Variants in CDC42BPA observed in about 807,000 individuals in gnomAD.
CDC42BPA encodes serine/threonine-protein kinase MRCK alpha.
In CDC42BPA, 80 loss-of-function variants were observed where a neutral mutation model predicts 223.5. The observed-to-expected ratio is 0.36, with a 90% confidence interval of 0.30 to 0.43. CDC42BPA has a LOEUF of 0.43. Ranked by LOEUF, CDC42BPA falls within the 20% of genes least tolerant of loss-of-function variation. CDC42BPA has a pLI of 1.00. For missense variants in CDC42BPA, 1,743 were observed against 2,099.9 expected (o/e 0.83, Z 3.32); for synonymous variants, 694 against 718.6 (o/e 0.97, Z 0.55).
intron 2 of CDC42BPA, among the ~76,000 whole-genome samples, chr1:227,219,043 G>A (rs1196700948): frequency 6.6e-6 from 1 of 152,150 alleles, no homozygotes; most frequent in Non-Finnish European, 1.5e-5. Context: ...ACACCAGTTT[G>A]CCCCTACAGA....
At chr1:227,058,406 A>G (rs1305417440) in intron 21 of CDC42BPA, among the ~76,000 whole-genome samples, 1 of 152,204 alleles carries the variant, frequency 6.6e-6, no homozygotes, top group Non-Finnish European at 1.5e-5. Flanking sequence ...TCCCTCATCT[A>G]GAACTTTCCG....
intron 2 of CDC42BPA, among the ~76,000 whole-genome samples, chr1:227,234,033 T>G (rs1188009709): frequency 6.6e-6 from 1 of 152,192 alleles, no homozygotes; most frequent in Non-Finnish European, 1.5e-5. Context: ...CAAGATAACA[T>G]GTCCTTAAAA....
At chr1:227,164,987 A>G (rs1257679965) in intron 5 of CDC42BPA, among the ~76,000 whole-genome samples, 1 of 152,236 alleles carries the variant, frequency 6.6e-6, no homozygotes, top group African/African-American at 2.4e-5. Flanking sequence ...GAGGGTTGGG[A>G]TAAGAATGTA....
chr1:227,160,570 A>G lies in CDC42BPA; in HGVS notation c.666T>C (p.Ser222=). ...NGHIRLADFG[S]CLKLMEDGTV... ...TTCCATCTTCCATCAGCTTCAGACA[A>G]GAACCAAAATCTGCTAACCGAATAT... The change falls in exon 6 of 37, where the codon TCT becomes TCC. Residue 222 remains serine (S), a synonymous_variant. Coordinates refer to ENST00000366766, the MANE Select transcript of CDC42BPA (RefSeq NM_001394014.1). 6.2e-7 allele frequency: 1 copy of G among 1,607,580 alleles called. No individual in the cohort carries two copies. Among genetic ancestry groups the G allele is most frequent in the Middle Eastern group, 1.7e-4 (1 of 6,056 alleles).
intron 2 of CDC42BPA, among the ~76,000 whole-genome samples, chr1:227,249,697 G>C (rs1370642516): frequency 6.6e-6 from 1 of 152,120 alleles, no homozygotes; most frequent in African/African-American, 2.4e-5. Flanking sequence ...TATGAAAAAA[G>C]TGGTCAACAT....
At chr1:227,007,906 T>A (rs910855719) in intron 34 of CDC42BPA, among the ~76,000 whole-genome samples, 3 of 152,212 alleles carry the variant, frequency 2.0e-5, no homozygotes, top group African/African-American at 7.2e-5. Flanking sequence ...AACGTCCTCA[T>A]ACTTGCCCTT....
intron 5 of CDC42BPA, among the ~76,000 whole-genome samples, chr1:227,192,747 T>A (rs1669924243): frequency 6.6e-6 from 1 of 152,184 alleles, no homozygotes; most frequent in Non-Finnish European, 1.5e-5. Flanking sequence ...TTAAAATTTT[T>A]AAATATAAAG....
At chr1:227,060,716 A>AGTTTTTTTT (rs1373925166) in intron 21 of CDC42BPA, among the ~76,000 whole-genome samples, 26 of 126,546 alleles carry the variant, frequency 2.1e-4, no homozygotes, top group African/African-American at 5.7e-4. Context: ...GTAAATAGGT[A>AGTTTTTTTT]CTTTTTTTTT....
At chr1:227,019,251 T>C (rs1209601432) in intron 32 of CDC42BPA, among the ~76,000 whole-genome samples, 1 of 151,986 alleles carries the variant, frequency 6.6e-6, no homozygotes, top group African/African-American at 2.4e-5. Flanking sequence ...AAGAAACCAT[T>C]TTTTTTTGCT....
At position 227,028,772 on chromosome 1, in the gene CDC42BPA, C is replaced by G. The variant is rs1481173254; in HGVS notation, c.4317G>C (p.Glu1439Asp). Residue 1439 changes from glutamate (E) to aspartate (D), a missense_variant, in exon 30 of 37, where the codon GAG becomes GAC. Glu to Asp is a conservative substitution (Grantham distance 45). Coordinates refer to ENST00000366766, the MANE Select transcript of CDC42BPA (RefSeq NM_001394014.1). ...HQPMDAICAV[E>D]ISSKEYLLCF... ...ACAGCAGATATTCTTTACTGGAGAT[C>G]TCAACTGCGCAGATAGCATCCATTG... The G allele has an allele frequency of 1.2e-6, 2 of 1,614,060 alleles. No individual in the cohort carries two copies. Among genetic ancestry groups the G allele is most frequent in the Non-Finnish European group, 1.7e-6 (2 of 1,179,932 alleles).
At chr1:227,206,680 C>A (rs1056994090) in intron 3 of CDC42BPA, among the ~76,000 whole-genome samples, 1 of 152,064 alleles carries the variant, frequency 6.6e-6, no homozygotes, top group Non-Finnish European at 1.5e-5. Flanking sequence ...AATAGAAATA[C>A]AATTTCTATT....
chr1:227,223,699 C>T (rs1676340312), intron 2 of CDC42BPA, among the ~76,000 whole-genome samples: 2 of 152,214 alleles, frequency 1.3e-5, no homozygotes, highest in Non-Finnish European at 2.9e-5. Context: ...AGAGTTCTAA[C>T]TATACCACTA....
At chr1:227,209,493 T>C (rs1572381928) in intron 3 of CDC42BPA, among the ~76,000 whole-genome samples, 1 of 139,582 alleles carries the variant, frequency 7.2e-6, no homozygotes, top group African/African-American at 2.7e-5. Flanking sequence ...GGCTGTGGGT[T>C]TGTCATAGAT....
chr1:227,294,165 G>C (rs1002456562), intron 1 of CDC42BPA, among the ~76,000 whole-genome samples: 2 of 151,716 alleles, frequency 1.3e-5, no homozygotes, highest in South Asian at 2.1e-4. Context: ...CCAGCTACTC[G>C]GGAGGCTGAG....
intron 2 of CDC42BPA, among the ~76,000 whole-genome samples, chr1:227,231,391 A>C (rs1677933802): frequency 6.6e-6 from 1 of 151,980 alleles, no homozygotes; most frequent in Non-Finnish European, 1.5e-5. Context: ...ATTCATGGAC[A>C]TTTGGGTTGG....
chr1:227,275,309 T>C (rs1484227668), intron 1 of CDC42BPA, among the ~76,000 whole-genome samples: 3 of 134,544 alleles, frequency 2.2e-5, no homozygotes, highest in Non-Finnish European at 3.2e-5. Flanking sequence ...GAGATGCAAC[T>C]AAGGTGGTAT....
intron 1 of CDC42BPA, among the ~76,000 whole-genome samples, chr1:227,283,895 G>A (rs1199249841): frequency 6.6e-6 from 1 of 152,050 alleles, no homozygotes; most frequent in Non-Finnish European, 1.5e-5. Flanking sequence ...ATGTTGGCCG[G>A]GATTTTGCCC....
At chr1:227,269,545 G>A (rs1434896382) in intron 1 of CDC42BPA, among the ~76,000 whole-genome samples, 4 of 152,030 alleles carry the variant, frequency 2.6e-5, no homozygotes, top group African/African-American at 7.2e-5. Context: ...TAAGTCTCCT[G>A]TAAGGTAAAA....
intron 15 of CDC42BPA, among the ~76,000 whole-genome samples, chr1:227,097,566 C>T (rs1437293941): frequency 6.6e-6 from 1 of 152,114 alleles, no homozygotes; most frequent in African/African-American, 2.4e-5. Context: ...TTGGTCACAC[C>T]TGGTGCCAGG....
Sources: allele counts gnomAD v4.1 joint callset (sites outside exome capture counted in the v4.1 genomes callset), GRCh38; gene constraint gnomAD v4.1.1; transcripts MANE v1.5; gene names NCBI Gene and HGNC (gene_info 2026-07-23, HGNC 2026-07-21).